SMIM31: variants seen among roughly 807,000 people sequenced by gnomAD.
The protein encoded by SMIM31 is human epithelial cell program regulator.
At chr4:164,794,875 G>C (rs563192367) in intron 2 of SMIM31, among the ~76,000 whole-genome samples, 5 of 151,458 alleles carry the variant, frequency 3.3e-5, no homozygotes, top group African/African-American at 9.7e-5. Flanking sequence ...GATACACAGA[G>C]AGGAAGAGAA....
chr4:164,799,874 G>A (rs557703951), intron 2 of SMIM31, among the ~76,000 whole-genome samples: 1 of 152,348 alleles, frequency 6.6e-6, no homozygotes, highest in South Asian at 2.1e-4. Flanking sequence ...AATGATTGAA[G>A]ATAAGTGGTG....
At chr4:164,779,280 C>T (rs539097582) in intron 2 of SMIM31, among the ~76,000 whole-genome samples, 1 of 152,276 alleles carries the variant, frequency 6.6e-6, no homozygotes, top group South Asian at 2.1e-4. Context: ...ATTGGGCATG[C>T]TGAGCTAATA....
intron 2 of SMIM31, among the ~76,000 whole-genome samples, chr4:164,776,869 T>C (rs548094392): frequency 1.6e-3 from 249 of 152,334 alleles, no homozygotes; most frequent in Non-Finnish European, 2.7e-3. Context: ...TTTTACCTAA[T>C]AATAGTTCAT....
At chr4:164,774,589 C>A (rs921921809) in intron 2 of SMIM31, among the ~76,000 whole-genome samples, 1 of 152,128 alleles carries the variant, frequency 6.6e-6, no homozygotes, top group Admixed American at 6.5e-5. Flanking sequence ...TCACAAGTAA[C>A]AAGGAGAGTA....
intron 2 of SMIM31, among the ~76,000 whole-genome samples, chr4:164,798,671 G>A (rs971623715): frequency 1.3e-5 from 2 of 152,164 alleles, no homozygotes; most frequent in African/African-American, 4.8e-5. Flanking sequence ...TTCCATTTAA[G>A]TCCGAAGACC....
intron 2 of SMIM31, among the ~76,000 whole-genome samples, chr4:164,778,326 T>TAA (rs35347099): frequency 1.3e-4 from 19 of 150,482 alleles, no homozygotes; most frequent in East Asian, 3.9e-4. Context: ...GTAAACAGAT[T>TAA]AAAAAAAAAA....
At chr4:164,780,887 T>C (rs1732940889) in intron 2 of SMIM31, among the ~76,000 whole-genome samples, 1 of 152,192 alleles carries the variant, frequency 6.6e-6, no homozygotes, top group Admixed American at 6.5e-5. Context: ...CATAGCTCAC[T>C]GAAGCCTCAA....
At chr4:164,795,852 C>A (rs1733188565) in intron 2 of SMIM31, among the ~76,000 whole-genome samples, 1 of 152,110 alleles carries the variant, frequency 6.6e-6, no homozygotes, top group Non-Finnish European at 1.5e-5. Flanking sequence ...GTGACTAAAG[C>A]ACAACCTCTG....
At chr4:164,798,507 C>T (rs1383840786) in intron 2 of SMIM31, among the ~76,000 whole-genome samples, 5 of 151,930 alleles carry the variant, frequency 3.3e-5, no homozygotes, top group African/African-American at 9.7e-5. Flanking sequence ...TCCCAAAGTG[C>T]TGGGATTACA....
At chr4:164,762,288 A>AC (rs761868320) in intron 1 of SMIM31, among the ~76,000 whole-genome samples, 2 of 152,250 alleles carry the variant, frequency 1.3e-5, no homozygotes, top group Non-Finnish European at 2.9e-5. Flanking sequence ...CTGGAGATAT[A>AC]CCTAACATCA....
chr4:164,799,408 A>T (rs1254950977), intron 2 of SMIM31, among the ~76,000 whole-genome samples: 2 of 152,034 alleles, frequency 1.3e-5, no homozygotes, highest in African/African-American at 4.8e-5. Context: ...ATAAATAAAT[A>T]AAATAAACAT....
intron 1 of SMIM31, among the ~76,000 whole-genome samples, chr4:164,768,049 A>G (rs570058826): frequency 6.8e-6 from 1 of 148,128 alleles, no homozygotes; most frequent in South Asian, 2.2e-4. Context: ...CCTGGGCAAC[A>G]TAATGAGACC....
At chr4:164,793,229 G>C (rs1733129241) in intron 2 of SMIM31, among the ~76,000 whole-genome samples, 1 of 152,202 alleles carries the variant, frequency 6.6e-6, no homozygotes, top group African/African-American at 2.4e-5. Context: ...AGGGAGAAAA[G>C]AAGGGTTGAA....
At chr4:164,790,271 C>T (rs1446845500) in intron 2 of SMIM31, among the ~76,000 whole-genome samples, 1 of 152,142 alleles carries the variant, frequency 6.6e-6, no homozygotes, top group East Asian at 1.9e-4. Flanking sequence ...ACTTCACCTG[C>T]TGTCACTGAT....
chr4:164,800,590 C>A (rs1175131538), intron 2 of SMIM31, among the ~76,000 whole-genome samples: 1 of 152,060 alleles, frequency 6.6e-6, no homozygotes, highest in Non-Finnish European at 1.5e-5. Context: ...GTCCAGGGAC[C>A]CCAGAACAGA....
intron 2 of SMIM31, among the ~76,000 whole-genome samples, chr4:164,773,422 T>C (rs1434091795): frequency 6.6e-6 from 1 of 152,220 alleles, no homozygotes; most frequent in Non-Finnish European, 1.5e-5. Flanking sequence ...CAGTTCAGCA[T>C]GGCTGGGGAG....
intron 2 of SMIM31, among the ~76,000 whole-genome samples, chr4:164,798,224 A>ATT (rs1370282043): frequency 0.012 from 994 of 85,458 alleles, 11 homozygotes; most frequent in African/African-American, 0.036. Context: ...TGATATAATG[A>ATT]TTTTTATTTT....
intron 2 of SMIM31, among the ~76,000 whole-genome samples, chr4:164,776,253 T>C (rs7676646): frequency 0.072 from 10,927 of 152,226 alleles, 801 homozygotes; most frequent in African/African-American, 0.19. Flanking sequence ...ACTAATTTGG[T>C]GCTTATCTTC....
At chr4:164,782,434 A>G (rs1732965031) in intron 2 of SMIM31, among the ~76,000 whole-genome samples, 1 of 129,342 alleles carries the variant, frequency 7.7e-6, no homozygotes, top group South Asian at 2.4e-4. Flanking sequence ...GCTGGAGTGC[A>G]GTGGTACGAT....
Sources: gnomAD v4.1 joint callset for allele counts (sites outside exome capture counted in the v4.1 genomes callset) on GRCh38, gnomAD v4.1.1 for gene constraint, MANE v1.5 for transcripts, NCBI Gene and HGNC (gene_info 2026-07-23, HGNC 2026-07-21) for gene names.